LARGE1: variants seen among roughly 807,000 people sequenced by gnomAD.
LARGE1 encodes the protein xylosyl- and glucuronyltransferase LARGE1.
A neutral mutation model predicts 87.6 loss-of-function variants in LARGE1; 43 were observed. That is an observed-to-expected ratio of 0.49 (90% confidence interval 0.38 to 0.63). The LOEUF is 0.63. Among genes scored for constraint, LARGE1 ranks in the 30% least tolerant of loss-of-function variants. LARGE1 has a pLI of 0.00. For synonymous variants in LARGE1, 434 were observed against 394.6 expected (o/e 1.10, Z -1.18); for missense variants, 802 against 1,000.2 (o/e 0.80, Z 2.67).
intron 1 of LARGE1, among the ~76,000 whole-genome samples, chr22:33,783,987 ATC>A (rs565052263): frequency 6.4e-4 from 98 of 152,100 alleles, no homozygotes; most frequent in African/African-American, 2.3e-3. Context: ...CACTAAGACA[ATC>A]TCTCTCTTTC....
At chr22:33,076,347 A>C in the LARGE1 span, among the ~76,000 whole-genome samples, 1 of 152,292 alleles carries the variant, frequency 6.6e-6, no homozygotes, top group African/African-American at 2.4e-5. Flanking sequence ...GATGGGATTT[A>C]TTATAAGTAG....
At chr22:33,753,621 C>A (rs989736784) in intron 2 of LARGE1, among the ~76,000 whole-genome samples, 1 of 152,172 alleles carries the variant, frequency 6.6e-6, no homozygotes, top group Non-Finnish European at 1.5e-5. Flanking sequence ...TTGGGACTCA[C>A]GGCAACCACA....
intron 6 of LARGE1, among the ~76,000 whole-genome samples, chr22:33,508,322 C>A (rs2070862595): frequency 6.6e-6 from 1 of 152,166 alleles, no homozygotes; most frequent in Non-Finnish European, 1.5e-5. Flanking sequence ...ACAATCACTG[C>A]CAACTTCAAG....
chr22:33,151,939 C>CAAAA, the LARGE1 span, among the ~76,000 whole-genome samples: 2 of 109,686 alleles, frequency 1.8e-5, no homozygotes, highest in African/African-American at 6.0e-5. Context: ...ATGTTGGCCT[C>CAAAA]AAAAAAAAAA....
chr22:33,114,849 G>T, the LARGE1 span, among the ~76,000 whole-genome samples: 1 of 152,222 alleles, frequency 6.6e-6, no homozygotes, highest in South Asian at 2.1e-4. Context: ...TGTCACATAG[G>T]CTTGAAAAAG....
At chr22:33,134,809 T>C in the LARGE1 span, among the ~76,000 whole-genome samples, 1 of 152,178 alleles carries the variant, frequency 6.6e-6, no homozygotes, top group South Asian at 2.1e-4. Flanking sequence ...CTGATCATTG[T>C]AGAGTGATCA....
At chr22:33,651,223 T>TAAAAAAAAAAAAAA (rs1371688457) in intron 2 of LARGE1, among the ~76,000 whole-genome samples, 2 of 17,144 alleles carry the variant, frequency 1.2e-4, no homozygotes, top group African/African-American at 4.7e-4. Flanking sequence ...CTACTAAAAA[T>TAAAAAAAAAAAAAA]ACAAAAAAAA....
chr22:33,467,249 G>A (rs2068656281), intron 6 of LARGE1, among the ~76,000 whole-genome samples: 1 of 152,146 alleles, frequency 6.6e-6, no homozygotes, highest in Non-Finnish European at 1.5e-5. Flanking sequence ...AGCTCGGTGT[G>A]CTCAGTGCTG....
At chr22:33,502,088 C>T (rs1385881538) in intron 6 of LARGE1, among the ~76,000 whole-genome samples, 2 of 151,672 alleles carry the variant, frequency 1.3e-5, no homozygotes, top group Non-Finnish European at 2.9e-5. Flanking sequence ...TCCAGCTACT[C>T]AGGAGGCTGA....
chr22:33,359,515 A>G (rs1031283426), intron 9 of LARGE1, among the ~76,000 whole-genome samples: 2 of 151,544 alleles, frequency 1.3e-5, no homozygotes, highest in African/African-American at 4.9e-5. Flanking sequence ...ACCTGAGAGC[A>G]GCAACTTAAG....
At chr22:33,654,625 G>A (rs114510085) in intron 2 of LARGE1, among the ~76,000 whole-genome samples, 3,384 of 152,270 alleles carry the variant, frequency 0.022, 98 homozygotes, top group African/African-American at 0.071. Flanking sequence ...GAGGGTCAGG[G>A]TAGTGAACAG....
At chr22:33,441,770 C>T (rs1010228613) in intron 6 of LARGE1, among the ~76,000 whole-genome samples, 1 of 152,192 alleles carries the variant, frequency 6.6e-6, no homozygotes, top group Non-Finnish European at 1.5e-5. Flanking sequence ...ATCGAGTAAA[C>T]TCTCAGTTCT....
At chr22:33,662,214 G>A (rs1030442688) in intron 2 of LARGE1, among the ~76,000 whole-genome samples, 3 of 152,104 alleles carry the variant, frequency 2.0e-5, no homozygotes, top group Admixed American at 6.5e-5. Flanking sequence ...CTATGCGTCA[G>A]GTAGAATGGT....
At chr22:33,099,970 A>C in the LARGE1 span, among the ~76,000 whole-genome samples, 1 of 152,222 alleles carries the variant, frequency 6.6e-6, no homozygotes, top group African/African-American at 2.4e-5. Context: ...AGAGAAATAA[A>C]CACAGGGGAA....
At chr22:33,142,187 T>C in the LARGE1 span, among the ~76,000 whole-genome samples, 1 of 152,240 alleles carries the variant, frequency 6.6e-6, no homozygotes, top group African/African-American at 2.4e-5. Context: ...GCCTTTACTT[T>C]CTGTGTTTGC....
At chr22:33,502,157 C>T (rs2070472642) in intron 6 of LARGE1, among the ~76,000 whole-genome samples, 1 of 150,574 alleles carries the variant, frequency 6.6e-6, no homozygotes, top group Non-Finnish European at 1.5e-5. Context: ...GATTGCACCA[C>T]TGCACTCCAG....
intron 2 of LARGE1, among the ~76,000 whole-genome samples, chr22:33,661,736 G>A (rs893142499): frequency 6.6e-6 from 1 of 152,084 alleles, no homozygotes; most frequent in African/African-American, 2.4e-5. Flanking sequence ...ACAGAGAAGA[G>A]TTAGGGACTC....
chr22:33,760,843 T>A (rs1251706822), intron 2 of LARGE1, among the ~76,000 whole-genome samples: 1 of 151,928 alleles, frequency 6.6e-6, no homozygotes, highest in Non-Finnish European at 1.5e-5. Context: ...TCACTTGAAC[T>A]CGGGAGGCAG....
chr22:33,081,080 G>C, the LARGE1 span, among the ~76,000 whole-genome samples: 5 of 152,146 alleles, frequency 3.3e-5, no homozygotes, highest in Non-Finnish European at 7.3e-5. Flanking sequence ...CCAGTGTGAG[G>C]TATGTGGACA....
Sources: gnomAD v4.1 joint callset for allele counts (sites outside exome capture counted in the v4.1 genomes callset) on GRCh38, gnomAD v4.1.1 for gene constraint, MANE v1.5 for transcripts, NCBI Gene and HGNC (gene_info 2026-07-23, HGNC 2026-07-21) for gene names.